DPP10: variants seen among roughly 807,000 people sequenced by gnomAD.
DPP10 encodes inactive dipeptidyl peptidase 10.
DPP10 carries 33 observed loss-of-function variants against 120.9 expected under a neutral mutation model. That is an observed-to-expected ratio of 0.27 (90% CI 0.21 to 0.37). The LOEUF (loss-of-function observed/expected upper bound fraction) is 0.37, where lower values mean the gene tolerates loss of function less well. Among genes scored for constraint, DPP10 ranks in the 10% least tolerant of loss-of-function variants. The pLI is 1.00. For missense variants in DPP10, 816 were observed against 942.8 expected, an observed-to-expected ratio of 0.87 and a Z score of 1.76; for synonymous variants, 337 against 326.1, an observed-to-expected ratio of 1.03 and a Z score of -0.36.
At chr2:115,007,131 C>G in intron 1 of DPP10, among the ~76,000 whole-genome samples, 1 of 152,070 alleles carries the variant, frequency 6.6e-6, no homozygotes, top group East Asian at 1.9e-4. Context: ...GGGTACATAA[C>G]GAAATGAAGG....
At chr2:114,724,214 C>A (rs1221332188) in intron 1 of DPP10, among the ~76,000 whole-genome samples, 1 of 152,170 alleles carries the variant, frequency 6.6e-6, no homozygotes, top group African/African-American at 2.4e-5. Flanking sequence ...AAACGATTAC[C>A]TCTTGAAGCC....
At chr2:115,513,884 CTATT>C (rs1446525230) in intron 4 of DPP10, among the ~76,000 whole-genome samples, 3 of 151,954 alleles carry the variant, frequency 2.0e-5, no homozygotes, top group Non-Finnish European at 2.9e-5. Context: ...TTTCAAGTGA[CTATT>C]TATTGTCATT....
At chr2:114,784,389 A>T (rs1682590343) in intron 1 of DPP10, among the ~76,000 whole-genome samples, 1 of 152,088 alleles carries the variant, frequency 6.6e-6, no homozygotes, top group Admixed American at 6.5e-5. Flanking sequence ...TACCTCTTTA[A>T]AAAGAGGTAG....
At chr2:115,727,767 G>T (rs761212448) in intron 7 of DPP10, 49 bp from the exon 8 acceptor site, 4 of 1,529,028 alleles carry the variant, frequency 2.6e-6, no homozygotes, top group Non-Finnish European at 3.5e-6. Context: ...GTTTCAAAAG[G>T]CATCCTAACG....
At chr2:114,825,773 T>C (rs1317367961) in intron 1 of DPP10, among the ~76,000 whole-genome samples, 2 of 152,144 alleles carry the variant, frequency 1.3e-5, no homozygotes, top group African/African-American at 4.8e-5. Flanking sequence ...GACCTTGAAG[T>C]ATAGAGTGGC....
intron 1 of DPP10, among the ~76,000 whole-genome samples, chr2:114,569,818 TCACACA>T (rs146915685): frequency 1.3e-5 from 2 of 151,138 alleles, no homozygotes; most frequent in South Asian, 4.2e-4. Context: ...TAAATCACAC[TCACACA>T]CACACACACG....
chr2:115,203,729 C>T (rs894829882), intron 1 of DPP10, among the ~76,000 whole-genome samples: 1 of 152,122 alleles, frequency 6.6e-6, no homozygotes, highest in African/African-American at 2.4e-5. Context: ...CTTGACCTCT[C>T]TATGATCTGC....
chr2:115,012,669 A>G (rs1702350546), intron 1 of DPP10, among the ~76,000 whole-genome samples: 1 of 152,230 alleles, frequency 6.6e-6, no homozygotes, highest in South Asian at 2.1e-4. Context: ...CCTGTGGGAC[A>G]GAAGACTGAA....
chr2:115,009,337 C>G (rs1295416143), intron 1 of DPP10, among the ~76,000 whole-genome samples: 2 of 150,886 alleles, frequency 1.3e-5, no homozygotes, highest in African/African-American at 2.4e-5. Flanking sequence ...GAACAAAAAA[C>G]CAAACACCAC....
At position 115,309,286 on chromosome 2, in the gene DPP10, T is replaced by C. The variant is rs1449730286; in HGVS notation, c.108T>C (p.Ala36=). The C allele has an allele frequency of 7.4e-6, 12 of 1,613,544 alleles. No homozygotes were observed. Among genetic ancestry groups the C allele is most frequent in the South Asian group, 1.1e-5 (1 of 91,056 alleles). ...CACAGAGAAACTGGAAGGGAATTGC[T>C]ATTGCTCTGCTGGTGATTTTAGTTG... ...SPPQRNWKGI[A]IALLVILVVC... is the part of the protein sequence containing the mutation. The change falls in exon 2 of 26, where the codon GCT becomes GCC. Residue 36 remains alanine (A), a synonymous_variant. Transcript: ENST00000410059.
chr2:115,461,008 G>A (rs2073953609), intron 3 of DPP10, among the ~76,000 whole-genome samples: 1 of 152,092 alleles, frequency 6.6e-6, no homozygotes, highest in Admixed American at 6.6e-5. Flanking sequence ...CTGCAGATAT[G>A]CCTCAAAGAT....
At chr2:115,111,843 A>G (rs1450809639) in intron 1 of DPP10, among the ~76,000 whole-genome samples, 1 of 152,206 alleles carries the variant, frequency 6.6e-6, no homozygotes, top group Admixed American at 6.5e-5. Context: ...TTCACTGGTA[A>G]GTTAATGAAA....
intron 1 of DPP10, among the ~76,000 whole-genome samples, chr2:114,881,718 T>A (rs976255150): frequency 6.6e-6 from 1 of 152,102 alleles, no homozygotes; most frequent in Non-Finnish European, 1.5e-5. Context: ...TGACCTAGAC[T>A]AGGGTCACAT....
At chr2:114,940,115 C>T (rs1574528332) in intron 1 of DPP10, among the ~76,000 whole-genome samples, 1 of 152,242 alleles carries the variant, frequency 6.6e-6, no homozygotes, top group Middle Eastern at 3.4e-3. Flanking sequence ...GTTGGGTAAA[C>T]ATTCATAACG....
In DPP10 at chr2:114,914,007, TCAAACA is replaced by T. The variant is rs568909173; in HGVS notation, c.61-395225_61-395220del. Among the ~76,000 whole-genome samples the T allele has an allele frequency of 5.8e-4, 88 of 152,006 alleles. 1 individual carries two copies. The East Asian group carries it at 0.016, about 28-fold the overall frequency. ...TCAAAGACCACTTCTTCAAATCAAC[TCAAACA>T]CAAACAAATTAAAAAAATAATTTTA... On this transcript the variant is annotated intron_variant, in intron 1 of 25. Coordinates refer to ENST00000410059, the MANE Select transcript of DPP10 (RefSeq NM_020868.6).
chr2:115,092,722 T>G (rs1423064657), intron 1 of DPP10, among the ~76,000 whole-genome samples: 1 of 152,186 alleles, frequency 6.6e-6, no homozygotes, highest in Non-Finnish European at 1.5e-5. Flanking sequence ...CTCAATATTG[T>G]CTTCTGAAGA....
At chr2:114,804,027 G>A (rs72832410) in intron 1 of DPP10, among the ~76,000 whole-genome samples, 12,378 of 152,202 alleles carry the variant, frequency 0.081, 666 homozygotes, top group African/African-American at 0.15. Flanking sequence ...GGGTCCCCGC[G>A]CTCTGTGCAG....
chr2:115,324,977 A>G (rs1363947972), intron 2 of DPP10, among the ~76,000 whole-genome samples: 1 of 152,154 alleles, frequency 6.6e-6, no homozygotes, highest in Non-Finnish European at 1.5e-5. Context: ...GAACACGCAC[A>G]ACATTATGCT....
chr2:115,236,255 A>T (rs1445598375), intron 1 of DPP10, among the ~76,000 whole-genome samples: 2 of 152,228 alleles, frequency 1.3e-5, no homozygotes, highest in African/African-American at 4.8e-5. Context: ...AGTTGTTCTA[A>T]CGTCACGTTG....
Sources: gnomAD v4.1 joint callset for allele counts (sites outside exome capture counted in the v4.1 genomes callset) on GRCh38, gnomAD v4.1.1 for gene constraint, MANE v1.5 for transcripts, NCBI Gene and HGNC (gene_info 2026-07-23, HGNC 2026-07-21) for gene names.